L3MBTL2: variants seen among roughly 807,000 people sequenced by gnomAD.
L3MBTL2 encodes the protein L3MBTL histone methyl-lysine binding protein 2, also known as lethal(3)malignant brain tumor-like protein 2.
Under a neutral mutation model 86.4 loss-of-function variants are expected in L3MBTL2, and 49 were observed. The observed-to-expected ratio is 0.57, with a 90% CI of 0.45 to 0.72. The LOEUF is 0.72. Among genes scored for constraint, L3MBTL2 ranks in the 30% least tolerant of loss-of-function variants. The pLI is 0.00. For missense variants in L3MBTL2, 755 were observed against 923.7 expected, an observed-to-expected ratio of 0.82 and a Z score of 2.37; for synonymous variants, 336 against 350.6, an observed-to-expected ratio of 0.96 and a Z score of 0.47.
intron 2 of L3MBTL2, among the ~76,000 whole-genome samples, chr22:41,210,219 G>A (rs1197748072): frequency 6.9e-6 from 1 of 145,638 alleles, no homozygotes; most frequent in South Asian, 2.1e-4. Flanking sequence ...GCATGATCTC[G>A]GCTCACTGCA....
In L3MBTL2 at chr22:41,225,329, C is replaced by A. The variant is rs1039950998; in HGVS notation, c.1356+258C>A. The stretch of plus-strand genomic sequence containing the variant: ...GCCTGGTCCTGTGTCAGAGTAGGCC[C>A]CTCCCTGTCACCTCACTGGGGCCTT... On this transcript the variant is annotated intron_variant, in intron 11 of 16. Transcript: ENST00000216237. The surrounding 1 kb of genome is among the most constrained non-coding windows in gnomAD (Gnocchi z 4.1). 6.6e-6 allele frequency among the ~76,000 whole-genome samples: 1 copy of A among 152,196 alleles called. No individual in the cohort carries two copies. Among genetic ancestry groups the A allele is most frequent in the Non-Finnish European group, 1.5e-5 (1 of 68,034 alleles).
At chr22:41,222,695 A>C (rs903448260) in intron 8 of L3MBTL2, among the ~76,000 whole-genome samples, 6 of 152,250 alleles carry the variant, frequency 3.9e-5, no homozygotes, top group Non-Finnish European at 7.4e-5. Flanking sequence ...CGAGGTCAGA[A>C]GATCACCTGA....
At position 41,222,147 on chromosome 22, in the gene L3MBTL2, C is replaced by A. The variant is rs534784946; in HGVS notation, c.942+860C>A. Among the ~76,000 whole-genome samples, 960 of 146,838 alleles carry A rather than the reference C, an allele frequency of 6.5e-3. 7 individuals carry two copies. Among genetic ancestry groups the A allele is most frequent in the Middle Eastern group, 7.7e-3 (2 of 260 alleles). On this transcript the variant is annotated intron_variant, in intron 8 of 16. Coordinates refer to ENST00000216237, the MANE Select transcript of L3MBTL2 (RefSeq NM_031488.5). Reference sequence around the variant, plus strand: ...CGAACTCCTGACCTCAAGTGATCCACCTGCCTCGGCCTCCCAAAGTGCTGG... The same window carrying A: ...CGAACTCCTGACCTCAAGTGATCCAACTGCCTCGGCCTCCCAAAGTGCTGG...
rs2032097878 is a variant in L3MBTL2, at chr22:41,225,220, TGGGGC to T, written c.1356+150_1356+154del. On this transcript the variant is annotated intron_variant, in intron 11 of 16. Transcript: ENST00000216237. This position sits in a 1 kb window ranked among gnomAD's most constrained non-coding sequence, Gnocchi z 4.1. Reference sequence around the variant, plus strand: ...ACCCAGAGTCCCTGACTTTTGTGAGTGGGGCCTGGCCTGCCCCTTGCTCAGAATCT... The same window carrying T: ...ACCCAGAGTCCCTGACTTTTGTGAGTCTGGCCTGCCCCTTGCTCAGAATCT... 2 of 645,936 alleles carry T rather than the reference TGGGGC, an allele frequency of 3.1e-6. No individual in the cohort carries two copies. Among genetic ancestry groups the T allele is most frequent in the Non-Finnish European group, 2.7e-6 (1 of 376,170 alleles). 40.0% of individuals were successfully genotyped at this position (645,936 alleles called of 1,614,324 possible).
At position 41,224,063 on chromosome 22, in the gene L3MBTL2, T is replaced by C; in HGVS notation, c.986T>C (p.Leu329Pro). 1.9e-6 allele frequency: 3 copies of C among 1,614,150 alleles called. No individual in the cohort carries two copies. Among genetic ancestry groups the C allele is most frequent in the Non-Finnish European group, 2.5e-6 (3 of 1,180,016 alleles). Residue 329 changes from leucine (L) to proline (P), a missense_variant, in exon 9 of 17, where the codon CTG becomes CCG. By Grantham distance (98) the Leu-to-Pro change is moderately conservative. Transcript: ENST00000216237. The surrounding 1 kb of genome is among the most constrained non-coding windows in gnomAD (Gnocchi z 4.9). ...MKYPFRQGMR[L>P]EVVDKSQVSR... is the part of the protein sequence containing the mutation. ...TACCCCTTTAGGCAGGGCATGCGGC[T>C]GGAAGTGGTGGACAAGTCCCAGGTG...
Position 41,230,586 on chromosome 22 carries a change from C to T in L3MBTL2, c.*335C>T, listed in dbSNP as rs1371090192. 2.9e-6 allele frequency: 1 copy of T among 339,242 alleles called. No individual in the cohort carries two copies. The highest frequency in any genetic ancestry group is 2.1e-5 in the African/African-American group (1 of 46,586). The allele number at this position is 339,242 out of a possible 1,614,324, so 21.0% of individuals were successfully genotyped here. On this transcript the variant is annotated 3_prime_UTR_variant, in exon 17 of 17. Coordinates refer to ENST00000216237, the MANE Select transcript of L3MBTL2 (RefSeq NM_031488.5). ...CCTCCCCCCGACCCGCCACGGCCCT[C>T]AGTTGCCAGGGATGGGGCCACCACT...
At chr22:41,206,314 G>C (rs902519529) in intron 1 of L3MBTL2, among the ~76,000 whole-genome samples, 1 of 150,984 alleles carries the variant, frequency 6.6e-6, no homozygotes, top group African/African-American at 2.4e-5. Context: ...TGGTTTCTGG[G>C]CACCTTATAT....
intron 15 of L3MBTL2, chr22:41,228,551 G>T: frequency 1.0e-6 from 1 of 985,090 alleles, no homozygotes. Context: ...CTTGGGCAGG[G>T]TTAAGATTGA....
chr22:41,220,563 G>A (rs539865612), intron 6 of L3MBTL2, among the ~76,000 whole-genome samples, 171 bp from the exon 7 acceptor site: 2 of 151,680 alleles, frequency 1.3e-5, no homozygotes, highest in South Asian at 2.1e-4. Context: ...GGTGGCAGGC[G>A]CCTGTAGTTC....
At chr22:41,207,956 C>A (rs140767725) in intron 1 of L3MBTL2, among the ~76,000 whole-genome samples, 5 of 152,068 alleles carry the variant, frequency 3.3e-5, no homozygotes, top group African/African-American at 1.2e-4. Flanking sequence ...CTCAGCCTCC[C>A]GAGTAGCTGG....
intron 4 of L3MBTL2, among the ~76,000 whole-genome samples, chr22:41,216,758 G>T (rs1024362676): frequency 6.6e-6 from 1 of 152,220 alleles, no homozygotes; most frequent in Non-Finnish European, 1.5e-5. Flanking sequence ...CCTGGTGTGT[G>T]CGCACCCCCT....
chr22:41,227,274 C>T lies in L3MBTL2; in HGVS notation c.1773C>T (p.Val591=), dbSNP rs1362745862. 6.8e-6 allele frequency: 11 copies of T among 1,612,070 alleles called. No homozygotes were observed. The highest frequency in any genetic ancestry group is 9.3e-6 in the Non-Finnish European group (11 of 1,179,466). The part of the protein sequence containing the change: ...VDCESPDIYP[V]GWCELTGYQL... Reference sequence around the variant, plus strand: ...GCGAGTCCCCAGACATCTACCCCGTCGGCTGGTGTGAGCTCACCGGCTACC... The same window carrying T: ...GCGAGTCCCCAGACATCTACCCCGTTGGCTGGTGTGAGCTCACCGGCTACC... The change falls in exon 14 of 17, where the codon GTC becomes GTT. Residue 591 remains valine (V), a synonymous_variant. Transcript: ENST00000216237. This position sits in a 1 kb window ranked among gnomAD's most constrained non-coding sequence, Gnocchi z 6.0.
In L3MBTL2 at chr22:41,209,881, T is replaced by C. The variant is rs140755876; in HGVS notation, c.210T>C (p.His70=). The C allele has an allele frequency of 6.5e-4, 1,054 of 1,613,954 alleles. No homozygotes were observed. Among genetic ancestry groups the C allele is most frequent in the Non-Finnish European group, 8.7e-4 (1,028 of 1,180,000 alleles). Residue 70 remains histidine, a synonymous_variant, in exon 2 of 17, where the codon CAT becomes CAC. Transcript: ENST00000216237. ...EAGELPTSPL[H]LLSPGTPRSL... ...GGGAACTGCCGACCTCCCCGCTGCA[T>C]TTGCTCAGCCCTGGGACTCCTCGCT...
At chr22:41,205,707 A>C (rs2030157006) in intron 1 of L3MBTL2, among the ~76,000 whole-genome samples, 1 of 151,936 alleles carries the variant, frequency 6.6e-6, no homozygotes, top group Non-Finnish European at 1.5e-5. Context: ...AGGGCTTGTG[A>C]GGCCTGTTAC....
At chr22:41,212,438 C>T in intron 2 of L3MBTL2, among the ~76,000 whole-genome samples, 1 of 147,772 alleles carries the variant, frequency 6.8e-6, no homozygotes, top group Non-Finnish European at 1.5e-5. Flanking sequence ...ACTCTTGTTG[C>T]CCAGGCTGGA....
chr22:41,227,974 G>A lies in L3MBTL2; in HGVS notation c.1888+105G>A. On this transcript the variant is annotated intron_variant, in intron 15 of 16. Coordinates refer to ENST00000216237, the MANE Select transcript of L3MBTL2 (RefSeq NM_031488.5). The surrounding 1 kb of genome is among the most constrained non-coding windows in gnomAD (Gnocchi z 6.0). ...AGCCCCCAGGCACTGGTTCCCAGGT[G>A]CTGTCCTACTGACGTAGCTCTCTTC... The A allele has an allele frequency of 6.6e-7, 1 of 1,513,000 alleles. No homozygotes were observed. Among genetic ancestry groups the A allele is most frequent in the African/African-American group, 1.4e-5 (1 of 71,754 alleles). 93.7% of individuals were successfully genotyped at this position (1,513,000 alleles called of 1,614,324 possible).
chr22:41,213,409 T>G (rs1163707104), intron 2 of L3MBTL2, among the ~76,000 whole-genome samples: 1 of 151,452 alleles, frequency 6.6e-6, no homozygotes, highest in African/African-American at 2.4e-5. Flanking sequence ...CACTGCAGCC[T>G]CAGCCTCCTG....
intron 2 of L3MBTL2, among the ~76,000 whole-genome samples, chr22:41,211,186 C>T (rs2030749925): frequency 6.6e-6 from 1 of 152,032 alleles, no homozygotes; most frequent in African/African-American, 2.4e-5. Context: ...ACACTGCCAT[C>T]CTTTAGATCC....
intron 16 of L3MBTL2, chr22:41,229,874 C>A: frequency 1.3e-6 from 1 of 789,936 alleles, no homozygotes; most frequent in Non-Finnish European, 2.2e-6. Context: ...CCCGGCCCCT[C>A]CTCCTCCTCC....
Sources: gnomAD v4.1 joint callset for allele counts (sites outside exome capture counted in the v4.1 genomes callset) on GRCh38, gnomAD v4.1.1 for gene constraint, Gnocchi (gnomAD v3.1) non-coding constraint, MANE v1.5 for transcripts, NCBI Gene and HGNC (gene_info 2026-07-23, HGNC 2026-07-21) for gene names.